The following AK5 variants were observed in gnomAD, a reference collection of about 807,000 sequenced individuals.
AK5 encodes the protein adenylate kinase isoenzyme 5.
Under a neutral mutation model 69.5 loss-of-function variants are expected in AK5, and 27 were observed. The ratio of observed to expected loss-of-function variants is 0.39; its 90% confidence interval spans 0.29 to 0.54. The LOEUF (loss-of-function observed/expected upper bound fraction) is 0.54, where lower values mean the gene tolerates loss of function less well. Ranked by LOEUF, AK5 falls within the 20% of genes least tolerant of loss-of-function variation. AK5 has a pLI of 0.71. For missense variants in AK5, 531 were observed against 700.4 expected, an observed-to-expected ratio of 0.76 and a Z score of 2.73; for synonymous variants, 260 against 244.4, an observed-to-expected ratio of 1.06 and a Z score of -0.60.
chr1:77,508,845 C>T (rs2133203), intron 10 of AK5, among the ~76,000 whole-genome samples: 56,244 of 147,742 alleles, frequency 0.38, 11,052 homozygotes, highest in Middle Eastern at 0.51. Flanking sequence ...CCAGCCTTGG[C>T]GGCAGAGCGA....
At chr1:77,306,461 C>A (rs1659640718) in intron 5 of AK5, among the ~76,000 whole-genome samples, 1 of 142,076 alleles carries the variant, frequency 7.0e-6, no homozygotes, top group Non-Finnish European at 1.5e-5. Context: ...CTTTCTAATG[C>A]ATTGTTGAAT....
At chr1:77,486,549 T>A (rs1240903470) in intron 10 of AK5, among the ~76,000 whole-genome samples, 197 bp downstream of exon 10, 2 of 151,686 alleles carry the variant, frequency 1.3e-5, no homozygotes, top group African/African-American at 4.8e-5. Context: ...CAAAAAAAAA[T>A]TAGCCGGGCA....
chr1:77,284,652 C>T (rs1658248952), intron 1 of AK5, among the ~76,000 whole-genome samples: 1 of 152,122 alleles, frequency 6.6e-6, no homozygotes, highest in Admixed American at 6.5e-5. Context: ...GTATATTGAT[C>T]TTGTAGCTTA....
chr1:77,317,253 A>G (rs535706585), intron 5 of AK5, among the ~76,000 whole-genome samples: 1 of 152,288 alleles, frequency 6.6e-6, no homozygotes, highest in South Asian at 2.1e-4. Flanking sequence ...GCTGGACTCC[A>G]TAGCAGCTCA....
intron 8 of AK5, among the ~76,000 whole-genome samples, chr1:77,448,333 A>G (rs1652885161): frequency 6.6e-6 from 1 of 152,172 alleles, no homozygotes; most frequent in Non-Finnish European, 1.5e-5. Context: ...TAAAAATCTC[A>G]GACTCTGCCA....
intron 8 of AK5, among the ~76,000 whole-genome samples, chr1:77,439,248 C>T (rs369302923): frequency 2.6e-5 from 4 of 151,986 alleles, no homozygotes; most frequent in East Asian, 1.9e-4. Context: ...GCAAAGGAAG[C>T]GAACATTTTC....
intron 6 of AK5, among the ~76,000 whole-genome samples, chr1:77,394,560 G>A (rs1648710450): frequency 6.6e-6 from 1 of 151,838 alleles, no homozygotes; most frequent in African/African-American, 2.4e-5. Flanking sequence ...TCATTGGATT[G>A]TGGACTCTTT....
intron 8 of AK5, among the ~76,000 whole-genome samples, chr1:77,426,543 A>G (rs2100601349): frequency 6.6e-6 from 1 of 152,348 alleles, no homozygotes; most frequent in Admixed American, 6.5e-5. Flanking sequence ...TGGAGACTTC[A>G]ACACTCCTCT....
At chr1:77,424,261 A>T (rs559966497) in intron 8 of AK5, among the ~76,000 whole-genome samples, 32 of 152,226 alleles carry the variant, frequency 2.1e-4, no homozygotes, top group Admixed American at 1.3e-4. Context: ...GACCAGGAAC[A>T]TTTTATTTTA....
In AK5 at chr1:77,412,637, A is replaced by G. The variant is rs533673619; in HGVS notation, c.982+1566A>G. Among the ~76,000 whole-genome samples, 7 of 152,228 alleles carry G rather than the reference A, an allele frequency of 4.6e-5. No individual in the cohort carries two copies. In the East Asian group the frequency reaches 1.2e-3, roughly 25 times the overall value. ...CAATGGTGAAATCTCCTGGCTTATAAATGTTGATGACTCACCCAATAAATA... is the reference window on the plus strand; with the variant it reads ...CAATGGTGAAATCTCCTGGCTTATAGATGTTGATGACTCACCCAATAAATA... On this transcript the variant is annotated intron_variant, in intron 7 of 13. Coordinates refer to ENST00000354567, the MANE Select transcript of AK5 (RefSeq NM_174858.3).
chr1:77,488,967 G>A (rs11583090), intron 10 of AK5, among the ~76,000 whole-genome samples: 6,785 of 152,254 alleles, frequency 0.045, 216 homozygotes, highest in South Asian at 0.095. Flanking sequence ...TTTTAATAAT[G>A]TGGTCCAAAG....
At chr1:77,467,868 G>A (rs943952944) in intron 8 of AK5, among the ~76,000 whole-genome samples, 5 of 152,198 alleles carry the variant, frequency 3.3e-5, no homozygotes, top group Non-Finnish European at 7.3e-5. Context: ...CAGTGAGCAT[G>A]CCCTGCACTT....
At chr1:77,480,119 AGTGTGTGTGTGTGT>A (rs10618389) in intron 8 of AK5, among the ~76,000 whole-genome samples, 3 of 149,868 alleles carry the variant, frequency 2.0e-5, no homozygotes, top group African/African-American at 4.9e-5. Flanking sequence ...ATTCACCCCG[AGTGTGTGTGTGTGT>A]GTGTGTGTGT....
intron 5 of AK5, among the ~76,000 whole-genome samples, chr1:77,328,975 C>A (rs1570388502): frequency 6.6e-6 from 1 of 152,248 alleles, no homozygotes; most frequent in East Asian, 1.9e-4. Context: ...GATGAGAGAA[C>A]ACAAGACAGC....
chr1:77,373,104 A>G (rs556850037), intron 6 of AK5, among the ~76,000 whole-genome samples: 1 of 152,292 alleles, frequency 6.6e-6, no homozygotes, highest in East Asian at 1.9e-4. Flanking sequence ...CTCTTGATAC[A>G]TATTGCAAAA....
intron 8 of AK5, among the ~76,000 whole-genome samples, chr1:77,442,324 G>A (rs1168734877): frequency 6.6e-6 from 1 of 152,208 alleles, no homozygotes; most frequent in Non-Finnish European, 1.5e-5. Flanking sequence ...CAGTAGCCAT[G>A]TGGGCACAGA....
intron 8 of AK5, among the ~76,000 whole-genome samples, chr1:77,426,889 G>A (rs1280134972): frequency 1.3e-5 from 2 of 151,528 alleles, no homozygotes; most frequent in African/African-American, 4.9e-5. Flanking sequence ...ATAACACTTG[G>A]GTCAAATAAA....
intron 8 of AK5, among the ~76,000 whole-genome samples, chr1:77,456,410 G>A (rs1209430321): frequency 6.6e-6 from 1 of 152,332 alleles, no homozygotes; most frequent in South Asian, 2.1e-4. Flanking sequence ...AGATGTCTCC[G>A]AAGGTTAACA....
At chr1:77,491,219 C>T (rs992864366) in intron 10 of AK5, among the ~76,000 whole-genome samples, 2 of 151,382 alleles carry the variant, frequency 1.3e-5, no homozygotes, top group South Asian at 4.2e-4. Context: ...TTGCTTAAAA[C>T]TCAATATTGC....
Sources: allele counts gnomAD v4.1 joint callset (sites outside exome capture counted in the v4.1 genomes callset), GRCh38; gene constraint gnomAD v4.1.1; transcripts MANE v1.5; gene names NCBI Gene and HGNC (gene_info 2026-07-23, HGNC 2026-07-21).